Variants in SOAT1 observed in about 807,000 individuals in gnomAD.
SOAT1 encodes the protein sterol O-acyltransferase 1.
A neutral mutation model predicts 69.5 loss-of-function variants in SOAT1; 55 were observed. The observed-to-expected ratio is 0.79, with a 90% CI of 0.64 to 0.99. The LOEUF is 0.99. SOAT1 is among the 50% of genes least tolerant of loss of function. SOAT1 has a pLI of 0.00. For synonymous variants in SOAT1, 231 were observed against 224.7 expected (o/e 1.03, Z -0.25); for missense variants, 580 against 669.3 (o/e 0.87, Z 1.47).
chr1:179,336,961 C>G (rs372410208), intron 4 of SOAT1, among the ~76,000 whole-genome samples: 8 of 149,886 alleles, frequency 5.3e-5, no homozygotes, highest in African/African-American at 2.0e-4. Context: ...CGCCACTGCA[C>G]TTCAGCCTGG....
chr1:179,295,339 A>G (rs1429976280), intron 1 of SOAT1, among the ~76,000 whole-genome samples: 1 of 152,092 alleles, frequency 6.6e-6, no homozygotes, highest in Non-Finnish European at 1.5e-5. Context: ...ATCAGCCCAC[A>G]TATCACTTCC....
At chr1:179,303,781 A>G (rs1233366884) in intron 2 of SOAT1, among the ~76,000 whole-genome samples, 1 of 152,186 alleles carries the variant, frequency 6.6e-6, no homozygotes, top group Non-Finnish European at 1.5e-5. Context: ...AAGGAGGATG[A>G]GCCAATACTG....
intron 1 of SOAT1, among the ~76,000 whole-genome samples, chr1:179,301,750 A>G (rs1664837378): frequency 6.6e-6 from 1 of 152,240 alleles, no homozygotes; most frequent in Non-Finnish European, 1.5e-5. Flanking sequence ...CTTAGTAGAT[A>G]CTTAACAAAA....
intron 1 of SOAT1, chr1:179,294,464 G>A (rs1297744319): frequency 6.6e-6 from 1 of 152,078 alleles, no homozygotes; most frequent in Non-Finnish European, 1.5e-5. Flanking sequence ...TATATTGAAA[G>A]GTTATTTCTA....
intron 2 of SOAT1, 147 bp downstream of exon 2, chr1:179,302,949 A>C: frequency 3.8e-6 from 2 of 520,204 alleles, no homozygotes; most frequent in East Asian, 6.4e-5. Flanking sequence ...GCAATTAGAC[A>C]ATAAGTCCTT....
chr1:179,341,020 C>T lies in SOAT1; in HGVS notation c.498-8C>T, dbSNP rs1666316976. ...TCTATGTTCTTTTTCTGTACCTTTT[C>T]TCCCCAGGCTGGTGCTTGAGTTCAG... On this transcript the variant is annotated splice_polypyrimidine_tract_variant and splice_region_variant and intron_variant, in intron 6 of 15. Transcript: ENST00000367619. The T allele has an allele frequency of 6.2e-7, 1 of 1,611,274 alleles. No homozygotes were observed. Among genetic ancestry groups the T allele is most frequent in the Middle Eastern group, 1.7e-4 (1 of 6,048 alleles).
chr1:179,348,945 A>G lies in SOAT1; in HGVS notation c.1314+3A>G. On this transcript the variant is annotated splice_donor_region_variant and intron_variant, in intron 13 of 15. Transcript: ENST00000367619. ...ATGCTTACAAGGACTTTCTCTGGGT[A>G]AGTAGCAAGGTTTAAGTTGATATTA... The G allele has an allele frequency of 1.3e-6, 2 of 1,488,974 alleles. No individual in the cohort carries two copies. Among genetic ancestry groups the G allele is most frequent in the Non-Finnish European group, 1.9e-6 (2 of 1,066,238 alleles). The allele number at this position is 1,488,974 out of a possible 1,614,324, so 92.2% of individuals were successfully genotyped here. A position where few individuals can be genotyped will look rare whatever the true frequency, so the allele number is the denominator to read the frequency against.
intron 11 of SOAT1, among the ~76,000 whole-genome samples, chr1:179,345,884 C>A (rs1053120800): frequency 8.6e-5 from 13 of 151,070 alleles, no homozygotes; most frequent in African/African-American, 3.2e-4. Flanking sequence ...TCCTGTCTTT[C>A]CGACCATACC....
At chr1:179,339,811 G>A (rs1240842165) in intron 6 of SOAT1, among the ~76,000 whole-genome samples, 1 of 152,186 alleles carries the variant, frequency 6.6e-6, no homozygotes, top group Non-Finnish European at 1.5e-5. Context: ...TTTATACACA[G>A]TTGACCTACG....
chr1:179,309,358 A>G (rs1665140837), intron 2 of SOAT1, among the ~76,000 whole-genome samples: 1 of 152,198 alleles, frequency 6.6e-6, no homozygotes, highest in Non-Finnish European at 1.5e-5. Context: ...CTGGGATTAC[A>G]GGCGTGAGCC....
chr1:179,297,760 G>T (rs1440377003), intron 1 of SOAT1, among the ~76,000 whole-genome samples: 1 of 150,258 alleles, frequency 6.7e-6, no homozygotes, highest in Non-Finnish European at 1.5e-5. Context: ...TGCCGGGCGC[G>T]GTGGCTCACA....
chr1:179,332,875 T>C (rs907555292), intron 3 of SOAT1, among the ~76,000 whole-genome samples: 1 of 152,186 alleles, frequency 6.6e-6, no homozygotes, highest in African/African-American at 2.4e-5. Flanking sequence ...CTCGTTATTG[T>C]CATCACTGCT....
chr1:179,303,304 A>T (rs1664898165), intron 2 of SOAT1, among the ~76,000 whole-genome samples: 1 of 152,200 alleles, frequency 6.6e-6, no homozygotes. Flanking sequence ...GAGTTTTATT[A>T]GTTCTTGTAT....
At chr1:179,333,434 G>A (rs1666036907) in intron 3 of SOAT1, among the ~76,000 whole-genome samples, 2 of 151,904 alleles carry the variant, frequency 1.3e-5, no homozygotes, top group African/African-American at 2.4e-5. Context: ...GGGCACAGTG[G>A]CTCACACCTG....
intron 11 of SOAT1, among the ~76,000 whole-genome samples, chr1:179,347,368 A>AAC (rs1291621986): frequency 1.3e-5 from 2 of 151,814 alleles, no homozygotes; most frequent in East Asian, 3.9e-4. Context: ...AAAAAAGAAA[A>AAC]AAAAAAACCA....
At chr1:179,307,283 A>G (rs1445573567) in intron 2 of SOAT1, among the ~76,000 whole-genome samples, 1 of 152,222 alleles carries the variant, frequency 6.6e-6, no homozygotes, top group Non-Finnish European at 1.5e-5. Flanking sequence ...TGACTGTTGT[A>G]GATGCAACTT....
intron 8 of SOAT1, 93 bp from the exon 9 acceptor site, chr1:179,342,769 C>T (rs937473323): frequency 1.5e-5 from 12 of 823,854 alleles, no homozygotes; most frequent in Non-Finnish European, 2.4e-5. Context: ...TCATTTTATT[C>T]TTCCCTGTTC....
At position 179,353,864 on chromosome 1, in the gene SOAT1, G is replaced by C. The variant is rs371235706; in HGVS notation, c.*223G>C. 3.1e-5 allele frequency: 16 copies of C among 517,302 alleles called. No individual in the cohort carries two copies. Among genetic ancestry groups the C allele is most frequent in the South Asian group, 2.7e-5 (1 of 37,258 alleles). The allele number at this position is 517,302 out of a possible 1,614,324, so 32.0% of individuals were successfully genotyped here. On this transcript the variant is annotated 3_prime_UTR_variant, in exon 16 of 16. Coordinates refer to ENST00000367619, the MANE Select transcript of SOAT1 (RefSeq NM_003101.6). ...AGAACTTTTTTTGTGGGGCTGGGTG[G>C]GGGGAGAAGACCGACTAACAGCTGA...
In SOAT1 at chr1:179,348,760, A is replaced by AAGTGTGTGTGTGTGTGTGTGTGTGTG. The variant is rs1491311101; in HGVS notation, c.1216-84_1216-83insAGTGTGTGTGTGTGTGTGTGTGTGTG. Reference sequence around the variant, plus strand: ...TCAGGGGGGTTTGCTTTCGGGTGGGATGTGTGTGTGTGTGTGTGTGTGTGT... The same window carrying AAGTGTGTGTGTGTGTGTGTGTGTGTG: ...TCAGGGGGGTTTGCTTTCGGGTGGGAAGTGTGTGTGTGTGTGTGTGTGTGTGTGTGTGTGTGTGTGTGTGTGTGTGT... On this transcript the variant is annotated intron_variant, in intron 12 of 15. Coordinates refer to ENST00000367619, the MANE Select transcript of SOAT1 (RefSeq NM_003101.6). 2 of 529,414 alleles carry AAGTGTGTGTGTGTGTGTGTGTGTGTG rather than the reference A, an allele frequency of 3.8e-6. 1 individual carries two copies. Among genetic ancestry groups the AAGTGTGTGTGTGTGTGTGTGTGTGTG allele is most frequent in the African/African-American group, 4.2e-5 (2 of 47,418 alleles). The allele number at this position is 529,414 out of a possible 1,614,324, so 32.8% of individuals were successfully genotyped here.
Sources: allele counts gnomAD v4.1 joint callset (sites outside exome capture counted in the v4.1 genomes callset), GRCh38; gene constraint gnomAD v4.1.1; transcripts MANE v1.5; gene names NCBI Gene and HGNC (gene_info 2026-07-23, HGNC 2026-07-21).